FAM13C: variants seen among roughly 807,000 people sequenced by gnomAD.
The protein encoded by FAM13C is protein FAM13C.
Under a neutral mutation model 73.2 loss-of-function variants are expected in FAM13C, and 37 were observed. The ratio of observed to expected loss-of-function variants is 0.51; its 90% CI spans 0.39 to 0.67. The LOEUF is 0.67. Among genes scored for constraint, FAM13C ranks in the 30% least tolerant of loss-of-function variants. The pLI, the probability that FAM13C is intolerant of heterozygous loss-of-function variation, is 0.00. For synonymous variants in FAM13C, 246 were observed against 260.9 expected, an observed-to-expected ratio of 0.94 and a Z score of 0.55; for missense variants, 589 against 715.6, an observed-to-expected ratio of 0.82 and a Z score of 2.02.
chr10:59,353,399 C>T (rs902114775), intron 2 of FAM13C, among the ~76,000 whole-genome samples: 19 of 152,172 alleles, frequency 1.2e-4, no homozygotes, highest in African/African-American at 4.6e-4. Context: ...ATATCATTAA[C>T]CTTAATCTAC....
intron 3 of FAM13C, among the ~76,000 whole-genome samples, chr10:59,345,582 C>T (rs1334439416): frequency 6.6e-6 from 1 of 152,184 alleles, no homozygotes; most frequent in African/African-American, 2.4e-5. Flanking sequence ...ATCATTAAGC[C>T]TTAACAATAG....
chr10:59,351,419 T>C (rs1433568593), intron 3 of FAM13C, among the ~76,000 whole-genome samples: 3 of 151,906 alleles, frequency 2.0e-5, no homozygotes, highest in Non-Finnish European at 2.9e-5. Context: ...TTTTAATTAA[T>C]AAAATATCCA....
intron 3 of FAM13C, among the ~76,000 whole-genome samples, chr10:59,343,003 T>G (rs1853709102): frequency 6.6e-6 from 1 of 152,234 alleles, no homozygotes; most frequent in Admixed American, 6.5e-5. Flanking sequence ...ATATCCAGAT[T>G]GTTAAATCCC....
intron 3 of FAM13C, among the ~76,000 whole-genome samples, chr10:59,325,980 G>T (rs1001092044): frequency 6.6e-6 from 1 of 151,672 alleles, no homozygotes; most frequent in Admixed American, 6.6e-5. Flanking sequence ...AACTCTAAAA[G>T]GTTTAAATCA....
intron 2 of FAM13C, among the ~76,000 whole-genome samples, chr10:59,354,477 A>G (rs1855459000): frequency 6.6e-6 from 1 of 152,240 alleles, no homozygotes; most frequent in South Asian, 2.1e-4. Flanking sequence ...GAAAAAAGCC[A>G]GAGTCTAAAA....
intron 3 of FAM13C, among the ~76,000 whole-genome samples, chr10:59,324,445 G>A (rs1267095611): frequency 2.0e-5 from 3 of 151,754 alleles, no homozygotes; most frequent in African/African-American, 7.3e-5. Context: ...ATTCATAGAA[G>A]AATATTTATA....
chr10:59,316,577 G>A (rs1336509145), intron 4 of FAM13C, among the ~76,000 whole-genome samples: 2 of 152,080 alleles, frequency 1.3e-5, no homozygotes, highest in Admixed American at 6.6e-5. Context: ...AACCTAGATG[G>A]TATAGCCCAC....
At chr10:59,326,093 T>C (rs1332845230) in intron 3 of FAM13C, among the ~76,000 whole-genome samples, 4 of 152,078 alleles carry the variant, frequency 2.6e-5, no homozygotes, top group African/African-American at 9.7e-5. Context: ...CTTCAAAAGT[T>C]GAGAAGGGTT....
chr10:59,251,016 T>G (rs1387936503), intron 13 of FAM13C, among the ~76,000 whole-genome samples: 1 of 152,030 alleles, frequency 6.6e-6, no homozygotes, highest in Non-Finnish European at 1.5e-5. Flanking sequence ...ACTAATAGAG[T>G]GTATAATGAG....
At chr10:59,345,199 T>G (rs1854142377) in intron 3 of FAM13C, among the ~76,000 whole-genome samples, 2 of 152,188 alleles carry the variant, frequency 1.3e-5, no homozygotes, top group African/African-American at 4.8e-5. Flanking sequence ...ATTGCTATAC[T>G]CAACCAACAC....
chr10:59,353,313 C>G (rs1445382798), intron 2 of FAM13C, among the ~76,000 whole-genome samples: 1 of 152,124 alleles, frequency 6.6e-6, no homozygotes, highest in South Asian at 2.1e-4. Flanking sequence ...AATCTAGATG[C>G]ATTTTATTTT....
At chr10:59,309,321 C>CT (rs879288355) in intron 4 of FAM13C, among the ~76,000 whole-genome samples, 21 of 152,254 alleles carry the variant, frequency 1.4e-4, no homozygotes, top group Non-Finnish European at 2.2e-4. Context: ...TCCCTACTTC[C>CT]CCTCTACCCT....
chr10:59,269,142 C>T (rs969602417), intron 7 of FAM13C, among the ~76,000 whole-genome samples: 5 of 152,054 alleles, frequency 3.3e-5, no homozygotes, highest in Non-Finnish European at 5.9e-5. Context: ...CACCCCCTCA[C>T]ATAACACACA....
intron 5 of FAM13C, among the ~76,000 whole-genome samples, chr10:59,298,968 G>C (rs1589510739): frequency 6.6e-6 from 1 of 152,192 alleles, no homozygotes; most frequent in Admixed American, 6.5e-5. Context: ...GGGGAGGAAG[G>C]AGGTGGACAG....
intron 3 of FAM13C, among the ~76,000 whole-genome samples, chr10:59,327,443 A>T (rs1431750906): frequency 6.6e-6 from 1 of 152,174 alleles, no homozygotes; most frequent in Non-Finnish European, 1.5e-5. Flanking sequence ...CTTCCTTGGT[A>T]AGCCCATTTC....
chr10:59,323,981 G>C lies in FAM13C; in HGVS notation c.443+7C>G, dbSNP rs1345247206. On this transcript the variant is annotated splice_region_variant and intron_variant, in intron 4 of 13. Coordinates refer to ENST00000618804, the MANE Select transcript of FAM13C (RefSeq NM_198215.4). ...CACAGAATAGCTTCTGATAACAAAG[G>C]GCCCACCTTGGTTGAAGTCGCACTG... The C allele has an allele frequency of 6.2e-7, 1 of 1,610,314 alleles. No individual in the cohort carries two copies. The highest frequency in any genetic ancestry group is 1.1e-5 in the South Asian group (1 of 91,004).
Position 59,270,086 on chromosome 10 carries a change from C to A in FAM13C, c.616G>T (p.Gly206Trp). ...SADPSPVHKD[G>W]QNEADSAPED... ...GGTGCACTGTCGGCCTCATTCTGCC[C>A]ATCTTTGTGGACTGGTGAGGGGTCT... The change falls in exon 7 of 14, where the codon GGG (glycine) becomes TGG (tryptophan). Residue 206 changes from glycine (G) to tryptophan (W), a missense_variant. Coordinates refer to ENST00000618804, the MANE Select transcript of FAM13C (RefSeq NM_198215.4). 1 of 1,613,286 alleles carries A rather than the reference C, an allele frequency of 6.2e-7. No individual in the cohort carries two copies. The highest frequency in any genetic ancestry group is 1.1e-5 in the South Asian group (1 of 91,056).
intron 4 of FAM13C, among the ~76,000 whole-genome samples, chr10:59,306,437 G>C (rs1029081345): frequency 6.6e-6 from 1 of 152,150 alleles, no homozygotes; most frequent in African/African-American, 2.4e-5. Flanking sequence ...GTCCAGTGTT[G>C]TGGAAACAAT....
intron 13 of FAM13C, among the ~76,000 whole-genome samples, chr10:59,250,628 C>A (rs1041101784): frequency 6.6e-6 from 1 of 152,148 alleles, no homozygotes; most frequent in African/African-American, 2.4e-5. Flanking sequence ...TCCATCAGGA[C>A]AACCCTCAAC....
Sources: allele counts gnomAD v4.1 joint callset (sites outside exome capture counted in the v4.1 genomes callset), GRCh38; gene constraint gnomAD v4.1.1; transcripts MANE v1.5; gene names NCBI Gene and HGNC (gene_info 2026-07-23, HGNC 2026-07-21).